CEP85L: variants seen among roughly 807,000 people sequenced by gnomAD.
CEP85L encodes centrosomal protein of 85 kDa-like.
Under a neutral mutation model 100.3 loss-of-function variants are expected in CEP85L, and 60 were observed. The observed-to-expected ratio is 0.60, with a 90% CI of 0.49 to 0.74. CEP85L has a LOEUF of 0.74. Among genes scored for constraint, CEP85L ranks in the 30% least tolerant of loss-of-function variants. The pLI is 0.00. For synonymous variants in CEP85L, 319 were observed against 322.7 expected (o/e 0.99, Z 0.12); for missense variants, 973 against 936.2 (o/e 1.04, Z -0.51).
chr6:118,621,654 A>AT (rs1027001131), intron 2 of CEP85L, among the ~76,000 whole-genome samples: 1 of 152,212 alleles, frequency 6.6e-6, no homozygotes, highest in African/African-American at 2.4e-5. Context: ...GGTACAAGGT[A>AT]TTTAAGTCAG....
chr6:118,610,274 A>G (rs1343166619), intron 2 of CEP85L, among the ~76,000 whole-genome samples: 1 of 152,206 alleles, frequency 6.6e-6, no homozygotes, highest in Non-Finnish European at 1.5e-5. Context: ...CTGGGAACCT[A>G]CACCCATGCT....
intron 3 of CEP85L, among the ~76,000 whole-genome samples, chr6:118,538,576 T>G (rs905312865): frequency 6.6e-5 from 10 of 152,148 alleles, no homozygotes; most frequent in African/African-American, 2.4e-4. Flanking sequence ...TCGGTTAGTA[T>G]TATCATGTCT....
chr6:118,609,470 AG>A (rs1772465036), intron 2 of CEP85L, among the ~76,000 whole-genome samples: 1 of 152,232 alleles, frequency 6.6e-6, no homozygotes, highest in Non-Finnish European at 1.5e-5. Context: ...ATTAAGGACA[AG>A]TTTGACAATC....
intron 2 of CEP85L, among the ~76,000 whole-genome samples, chr6:118,630,204 A>G (rs1366021377): frequency 1.3e-5 from 2 of 152,198 alleles, no homozygotes; most frequent in African/African-American, 2.4e-5. Flanking sequence ...GGTCTCCTTC[A>G]TGAATATTCA....
At chr6:118,602,977 A>T (rs1309716254) in intron 2 of CEP85L, among the ~76,000 whole-genome samples, 2 of 152,002 alleles carry the variant, frequency 1.3e-5, no homozygotes, top group African/African-American at 4.8e-5. Flanking sequence ...CCAACCACCA[A>T]GTCCAACTAA....
intron 5 of CEP85L, among the ~76,000 whole-genome samples, chr6:118,499,450 G>T (rs1775132704): frequency 6.6e-6 from 1 of 152,150 alleles, no homozygotes; most frequent in Non-Finnish European, 1.5e-5. Flanking sequence ...TGGATCACAA[G>T]GTCAGGAGTT....
chr6:118,619,304 G>C (rs1289152016), intron 2 of CEP85L, among the ~76,000 whole-genome samples: 2 of 152,154 alleles, frequency 1.3e-5, no homozygotes, highest in Non-Finnish European at 2.9e-5. Flanking sequence ...TTACAAAATG[G>C]AGAAACTTGG....
At chr6:118,619,225 T>C (rs1348012102) in intron 2 of CEP85L, among the ~76,000 whole-genome samples, 5 of 152,108 alleles carry the variant, frequency 3.3e-5, no homozygotes, top group African/African-American at 9.7e-5. Context: ...CTGGGACAAG[T>C]TCGACCCTGA....
intron 4 of CEP85L, among the ~76,000 whole-genome samples, chr6:118,519,462 GTGTGTGTGT>G (rs1294885774): frequency 1.4e-3 from 95 of 65,708 alleles, no homozygotes; most frequent in Non-Finnish European, 2.8e-3. Context: ...GTGTGTGTGT[GTGTGTGTGT>G]GTGGCGGGGG....
chr6:118,620,384 C>T (rs892580578), intron 2 of CEP85L, among the ~76,000 whole-genome samples: 2 of 152,172 alleles, frequency 1.3e-5, no homozygotes, highest in African/African-American at 4.8e-5. Context: ...TCATGGCTCT[C>T]AGACAAGCAA....
intron 3 of CEP85L, among the ~76,000 whole-genome samples, chr6:118,551,769 C>G (rs1025780828): frequency 6.6e-6 from 1 of 151,964 alleles, no homozygotes; most frequent in African/African-American, 2.4e-5. Context: ...TTCTTTCAAA[C>G]AGCCAGTCTG....
intron 1 of CEP85L, among the ~76,000 whole-genome samples, chr6:118,685,891 G>T (rs1035689616): frequency 6.6e-6 from 1 of 152,178 alleles, no homozygotes; most frequent in African/African-American, 2.4e-5. Context: ...AAAAGTGCAC[G>T]GGTTAAAGAT....
At chr6:118,479,985 T>A in intron 9 of CEP85L, 64 bp from the exon 10 acceptor site, 1 of 839,894 alleles carries the variant, frequency 1.2e-6, no homozygotes, top group Non-Finnish European at 1.9e-6. Context: ...AGTACCAACA[T>A]TTCAAGAAAA....
chr6:118,470,799 T>A (rs551156023), intron 10 of CEP85L, among the ~76,000 whole-genome samples, 155 bp from the exon 11 acceptor site: 1 of 152,138 alleles, frequency 6.6e-6, no homozygotes, highest in Non-Finnish European at 1.5e-5. Context: ...AACTAATCCC[T>A]ATCAGTTAGA....
intron 3 of CEP85L, among the ~76,000 whole-genome samples, chr6:118,552,253 C>A (rs977516167): frequency 9.2e-5 from 14 of 151,762 alleles, no homozygotes; most frequent in African/African-American, 3.1e-4. Flanking sequence ...CATAAAGAAT[C>A]CCAGGAATTT....
intron 2 of CEP85L, among the ~76,000 whole-genome samples, chr6:118,582,035 C>A (rs1034757666): frequency 6.6e-6 from 1 of 152,162 alleles, no homozygotes; most frequent in African/African-American, 2.4e-5. Flanking sequence ...TGACCCAGTT[C>A]TTTTAGCGGC....
At chr6:118,660,211 G>A (rs17080446) in intron 1 of CEP85L, among the ~76,000 whole-genome samples, 1,749 of 152,342 alleles carry the variant, frequency 0.011, 45 homozygotes, top group African/African-American at 0.04. Flanking sequence ...TGGTACACAT[G>A]TGGGCATTTG....
At chr6:118,516,599 T>G (rs1295729902) in intron 4 of CEP85L, among the ~76,000 whole-genome samples, 1 of 152,190 alleles carries the variant, frequency 6.6e-6, no homozygotes, top group African/African-American at 2.4e-5. Flanking sequence ...GATGTGGTTG[T>G]TTTTTTCTTA....
chr6:118,507,485 G>A, intron 5 of CEP85L, among the ~76,000 whole-genome samples: 1 of 152,140 alleles, frequency 6.6e-6, no homozygotes, highest in East Asian at 1.9e-4. Flanking sequence ...GGAGGTGAAA[G>A]ATGGCACTAT....
Sources: allele counts gnomAD v4.1 joint callset (sites outside exome capture counted in the v4.1 genomes callset), GRCh38; gene constraint gnomAD v4.1.1; transcripts MANE v1.5; gene names NCBI Gene and HGNC (gene_info 2026-07-23, HGNC 2026-07-21).